AFF3: variants seen among roughly 807,000 people sequenced by gnomAD.
The protein encoded by AFF3 is ALF transcription elongation factor 3.
A neutral mutation model predicts 129.7 loss-of-function variants in AFF3; 32 were observed. The observed-to-expected ratio is 0.25, with a 90% confidence interval of 0.19 to 0.33. AFF3 has a LOEUF of 0.33. Among genes scored for constraint, AFF3 ranks in the 10% least tolerant of loss-of-function variants. The pLI is 1.00. For missense variants in AFF3, 1,373 were observed against 1,592.0 expected (o/e 0.86, Z 2.34); for synonymous variants, 644 against 635.4 (o/e 1.01, Z -0.20).
intron 7 of AFF3, among the ~76,000 whole-genome samples, chr2:99,895,795 G>A (rs532879791): frequency 3.2e-4 from 49 of 152,278 alleles, no homozygotes; most frequent in African/African-American, 1.1e-3. Context: ...TCGGATGGGC[G>A]TGGTGGCTCA....
At chr2:99,737,564 G>A (rs1680358321) in intron 10 of AFF3, among the ~76,000 whole-genome samples, 2 of 151,850 alleles carry the variant, frequency 1.3e-5, no homozygotes, top group African/African-American at 4.8e-5. Flanking sequence ...GTGTAAGTTG[G>A]TTGAGTTGTT....
chr2:99,596,154 T>C (rs959262519), intron 14 of AFF3, among the ~76,000 whole-genome samples: 2 of 152,336 alleles, frequency 1.3e-5, no homozygotes, highest in African/African-American at 4.8e-5. Flanking sequence ...CAGAGAAATA[T>C]GCAAATGAGT....
At chr2:99,750,798 T>C (rs1681581976) in intron 9 of AFF3, among the ~76,000 whole-genome samples, 2 of 152,194 alleles carry the variant, frequency 1.3e-5, no homozygotes, top group Non-Finnish European at 2.9e-5. Context: ...GTATCCTTAT[T>C]AGAGGCATTC....
intron 5 of AFF3, among the ~76,000 whole-genome samples, 191 bp downstream of exon 5, chr2:100,008,621 A>G (rs1048474579): frequency 6.6e-6 from 1 of 152,252 alleles, no homozygotes; most frequent in Non-Finnish European, 1.5e-5. Context: ...GTGGCCAGTA[A>G]AGCCATGTGA....
intron 12 of AFF3, among the ~76,000 whole-genome samples, chr2:99,670,745 C>T (rs148183367): frequency 3.0e-4 from 46 of 152,210 alleles, no homozygotes; most frequent in Admixed American, 3.3e-4. Flanking sequence ...AACTATCATA[C>T]GCAAAACCAC....
intron 7 of AFF3, among the ~76,000 whole-genome samples, chr2:99,996,413 T>A (rs943229262): frequency 1.1e-4 from 17 of 152,024 alleles, no homozygotes; most frequent in African/African-American, 4.1e-4. Flanking sequence ...TTGTTGTAGT[T>A]GTTGTTGTTG....
intron 11 of AFF3, among the ~76,000 whole-genome samples, chr2:99,684,325 G>A (rs1042485896): frequency 6.6e-6 from 1 of 152,100 alleles, no homozygotes; most frequent in African/African-American, 2.4e-5. Context: ...ATTGCAGTGG[G>A]GACCACATTG....
chr2:100,073,769 C>A (rs1397613727), intron 4 of AFF3, among the ~76,000 whole-genome samples: 15 of 152,128 alleles, frequency 9.9e-5, no homozygotes, highest in Non-Finnish European at 2.2e-4. Flanking sequence ...TTTCAGATGA[C>A]CTCTTCATAG....
At chr2:99,609,784 A>C (rs890744191) in intron 13 of AFF3, among the ~76,000 whole-genome samples, 3 of 152,206 alleles carry the variant, frequency 2.0e-5, no homozygotes, top group African/African-American at 7.2e-5. Context: ...TACAATACCA[A>C]AACCAGAAAA....
chr2:99,917,733 A>G (rs770578231), intron 7 of AFF3, among the ~76,000 whole-genome samples: 1 of 152,188 alleles, frequency 6.6e-6, no homozygotes, highest in Non-Finnish European at 1.5e-5. Context: ...GTGGGTATCT[A>G]TCTCATTAAC....
At chr2:99,848,126 G>C (rs993688685) in intron 7 of AFF3, among the ~76,000 whole-genome samples, 1 of 151,636 alleles carries the variant, frequency 6.6e-6, no homozygotes, top group Admixed American at 6.6e-5. Context: ...GGTGTGTGCC[G>C]GTAATCCCAG....
intron 7 of AFF3, among the ~76,000 whole-genome samples, chr2:99,999,427 C>G (rs1681179084): frequency 6.6e-6 from 1 of 152,172 alleles, no homozygotes; most frequent in Admixed American, 6.5e-5. Flanking sequence ...ATCTATTGAG[C>G]ACAAACTATG....
chr2:99,590,839 C>T (rs948159950), intron 15 of AFF3, among the ~76,000 whole-genome samples: 3 of 151,894 alleles, frequency 2.0e-5, no homozygotes, highest in African/African-American at 7.3e-5. Context: ...ACTAAAAATA[C>T]CAAATTAGCC....
At chr2:99,953,891 T>A (rs960465882) in intron 7 of AFF3, among the ~76,000 whole-genome samples, 2 of 152,138 alleles carry the variant, frequency 1.3e-5, no homozygotes, top group African/African-American at 2.4e-5. Context: ...TCTGGCATGT[T>A]CCTTTGATCA....
chr2:99,767,348 G>A (rs914378935), intron 8 of AFF3, among the ~76,000 whole-genome samples: 1 of 152,206 alleles, frequency 6.6e-6, no homozygotes, highest in Non-Finnish European at 1.5e-5. Flanking sequence ...GCATGAGAAG[G>A]GCATGGATTC....
At position 99,725,459 on chromosome 2, in the gene AFF3, A is replaced by G. The variant is rs867918095; in HGVS notation, c.1091+1618T>C. Among the ~76,000 whole-genome samples the G allele has an allele frequency of 5.9e-5, 9 of 152,204 alleles. 1 individual carries two copies. The highest frequency in any genetic ancestry group is 3.4e-3 in the Middle Eastern group (1 of 294). On this transcript the variant is annotated intron_variant, in intron 11 of 24. Transcript: ENST00000672756. ...ATTCTTGTGCCTCAGCCTCCCGTGTAGCTGGGATTACAGGTGTCTGCCACC... is the reference window on the plus strand; with the variant it reads ...ATTCTTGTGCCTCAGCCTCCCGTGTGGCTGGGATTACAGGTGTCTGCCACC...
chr2:99,566,976 T>C (rs189234569), intron 19 of AFF3, among the ~76,000 whole-genome samples: 2 of 151,596 alleles, frequency 1.3e-5, no homozygotes, highest in African/African-American at 4.9e-5. Flanking sequence ...TTTTCTTTTT[T>C]TTTTTTTTGG....
intron 7 of AFF3, among the ~76,000 whole-genome samples, chr2:99,860,277 G>A (rs1309537578): frequency 6.6e-6 from 1 of 151,994 alleles, no homozygotes; most frequent in Non-Finnish European, 1.5e-5. Flanking sequence ...ATTAGCAGCT[G>A]GGCATGGTGC....
At chr2:99,748,513 TC>T (rs1175880502) in intron 9 of AFF3, among the ~76,000 whole-genome samples, 1 of 152,144 alleles carries the variant, frequency 6.6e-6, no homozygotes, top group Non-Finnish European at 1.5e-5. Flanking sequence ...TGACTGCCAC[TC>T]CCAATACTTC....
Sources: gnomAD v4.1 joint callset for allele counts (sites outside exome capture counted in the v4.1 genomes callset) on GRCh38, gnomAD v4.1.1 for gene constraint, MANE v1.5 for transcripts, NCBI Gene and HGNC (gene_info 2026-07-23, HGNC 2026-07-21) for gene names.